COG5: variants seen among roughly 807,000 people sequenced by gnomAD.
COG5 encodes the protein component of oligomeric golgi complex 5.
A neutral mutation model predicts 110.4 loss-of-function variants in COG5; 86 were observed. The observed-to-expected ratio is 0.78, with a 90% CI of 0.65 to 0.93. COG5 has a LOEUF of 0.93. COG5 is among the 40% of genes least tolerant of loss of function. The probability of loss-of-function intolerance (pLI) is 0.00; values close to 1 mark genes in which losing one functional copy is unlikely to be tolerated. For missense variants in COG5, 1,077 were observed against 987.0 expected, an observed-to-expected ratio of 1.09 and a Z score of -1.22; for synonymous variants, 360 against 334.6, an observed-to-expected ratio of 1.08 and a Z score of -0.83.
intron 6 of COG5, among the ~76,000 whole-genome samples, chr7:107,477,281 T>C (rs530101932): frequency 1.3e-5 from 2 of 151,828 alleles, no homozygotes; most frequent in South Asian, 4.1e-4. Flanking sequence ...CTCCCAAGCA[T>C]AAATTAAAAT....
chr7:107,288,424 C>T (rs1268235171), intron 12 of COG5, among the ~76,000 whole-genome samples: 1 of 152,150 alleles, frequency 6.6e-6, no homozygotes, highest in Non-Finnish European at 1.5e-5. Flanking sequence ...TTTAGATTTC[C>T]ACCAGCAACA....
At chr7:107,415,562 T>C (rs916353824) in intron 6 of COG5, among the ~76,000 whole-genome samples, 2 of 151,252 alleles carry the variant, frequency 1.3e-5, no homozygotes, top group Admixed American at 1.3e-4. Flanking sequence ...GAAAAAAAAA[T>C]CACATCCTCT....
intron 14 of COG5, among the ~76,000 whole-genome samples, chr7:107,274,853 A>C (rs138783762): frequency 2.0e-5 from 3 of 152,204 alleles, no homozygotes; most frequent in Non-Finnish European, 4.4e-5. Flanking sequence ...TTTCAATATG[A>C]TCTACTGACT....
chr7:107,386,814 A>G (rs534065853), intron 7 of COG5, among the ~76,000 whole-genome samples: 12 of 152,272 alleles, frequency 7.9e-5, no homozygotes, highest in Admixed American at 6.5e-5. Flanking sequence ...AACAGGTCCC[A>G]GCATCATCTT....
Position 107,294,713 on chromosome 7 carries a change from C to CT in COG5, c.1313+3428dup, listed in dbSNP as rs796291188. Among the ~76,000 whole-genome samples the CT allele has an allele frequency of 7.7e-3, 852 of 110,014 alleles. 2 individuals are homozygous for CT. The highest frequency in any genetic ancestry group is 0.015 in the Middle Eastern group (3 of 198). 72.2% of individuals were successfully genotyped at this position (110,014 alleles called of 152,430 possible). On this transcript the variant is annotated intron_variant, in intron 12 of 21. Transcript: ENST00000297135. ...AAACCTCCTCATCTTAATTTTCTTT[C>CT]TTTTTTTTTTTTTTTTTTTTGAGAC...
chr7:107,258,344 G>A lies in COG5; in HGVS notation c.1615C>T (p.Leu539Phe), dbSNP rs749455454. ...ACATTTCTTCTCTGTCCTTCAGTAA[G>A]AGGCCCAATCACCTGACTTGCATCT... is the stretch of plus-strand genomic sequence containing the variant. Reference protein sequence around the residue: ...QGDASQVIGPLTEGQRRNVAV... With the variant: ...QGDASQVIGPFTEGQRRNVAV... Residue 539 changes from leucine (L) to phenylalanine (F), a missense_variant, in exon 15 of 22, where the codon CTT becomes TTT. By Grantham distance (22) the Leu-to-Phe change is conservative. Coordinates refer to ENST00000297135, the MANE Select transcript of COG5 (RefSeq NM_006348.5). 6.2e-6 allele frequency: 10 copies of A among 1,613,152 alleles called. No individual in the cohort carries two copies. Among genetic ancestry groups the A allele is most frequent in the Non-Finnish European group, 7.6e-6 (9 of 1,179,258 alleles).
chr7:107,323,859 T>C (rs1216777034), intron 11 of COG5, among the ~76,000 whole-genome samples: 1 of 152,190 alleles, frequency 6.6e-6, no homozygotes, highest in Non-Finnish European at 1.5e-5. Flanking sequence ...ACCTAAAGTA[T>C]TTAGACAAAC....
At chr7:107,246,420 AACAG>A (rs1190520803) in intron 17 of COG5, among the ~76,000 whole-genome samples, 2 of 152,220 alleles carry the variant, frequency 1.3e-5, no homozygotes, top group Admixed American at 1.3e-4. Context: ...CAACAGAGTA[AACAG>A]ACAATCTACA....
chr7:107,298,089 A>C, intron 12 of COG5, 53 bp downstream of exon 12: 1 of 843,286 alleles, frequency 1.2e-6, no homozygotes, highest in South Asian at 3.0e-5. Context: ...ATAAAATTTA[A>C]AATAAAAATA....
chr7:107,343,994 T>G (rs1811390649), intron 10 of COG5, among the ~76,000 whole-genome samples: 1 of 152,070 alleles, frequency 6.6e-6, no homozygotes, highest in Admixed American at 6.6e-5. Context: ...CAGAATAGAT[T>G]TAGCATCATT....
chr7:107,334,161 TA>T (rs1272055846), intron 10 of COG5, among the ~76,000 whole-genome samples: 1 of 152,086 alleles, frequency 6.6e-6, no homozygotes, highest in Non-Finnish European at 1.5e-5. Flanking sequence ...CCTAAGTATC[TA>T]CAGAGAAACG....
intron 6 of COG5, among the ~76,000 whole-genome samples, chr7:107,436,812 C>T (rs567004909): frequency 6.6e-6 from 1 of 152,232 alleles, no homozygotes; most frequent in Admixed American, 6.5e-5. Flanking sequence ...CATGAGTGCT[C>T]AGCAAATGTC....
chr7:107,253,948 T>C (rs143645627), intron 16 of COG5, among the ~76,000 whole-genome samples: 22 of 152,246 alleles, frequency 1.4e-4, no homozygotes, highest in African/African-American at 3.9e-4. Context: ...CCATTCTCTA[T>C]CCTTTACTGT....
At chr7:107,367,797 G>A (rs1203145535) in intron 8 of COG5, among the ~76,000 whole-genome samples, 6 of 151,962 alleles carry the variant, frequency 3.9e-5, no homozygotes, top group African/African-American at 1.5e-4. Context: ...GAGTAGGAGG[G>A]ATGTGAGGGC....
chr7:107,438,238 T>C lies in COG5; in HGVS notation c.539-25606A>G, dbSNP rs190328473. Among the ~76,000 whole-genome samples, 79 of 152,296 alleles carry C rather than the reference T, an allele frequency of 5.2e-4. 1 individual carries two copies. The highest frequency in any genetic ancestry group is 1.6e-3 in the African/African-American group (66 of 41,570). The stretch of plus-strand genomic sequence containing the variant: ...AGGGCTCTTTCTATCCTCCACTCTT[T>C]TCTACCAAGACAGGATATAAATTCT... On this transcript the variant is annotated intron_variant, in intron 6 of 21. Transcript: ENST00000297135.
chr7:107,381,883 C>T (rs1014442750), intron 7 of COG5, among the ~76,000 whole-genome samples: 1 of 152,134 alleles, frequency 6.6e-6, no homozygotes, highest in Non-Finnish European at 1.5e-5. Flanking sequence ...GTATACCCCC[C>T]GTGATCAAGA....
At chr7:107,211,585 T>C (rs555593706) in intron 19 of COG5, among the ~76,000 whole-genome samples, 23 of 152,364 alleles carry the variant, frequency 1.5e-4, no homozygotes, top group African/African-American at 5.3e-4. Context: ...CAGATTCTTA[T>C]CTTCATCAAT....
chr7:107,256,380 A>C (rs1802880535), intron 16 of COG5, among the ~76,000 whole-genome samples: 1 of 152,112 alleles, frequency 6.6e-6, no homozygotes, highest in South Asian at 2.1e-4. Flanking sequence ...GAATGTCTCC[A>C]GATGCTGTCA....
intron 6 of COG5, among the ~76,000 whole-genome samples, chr7:107,487,981 A>G (rs1797750005): frequency 6.6e-6 from 1 of 152,144 alleles, no homozygotes; most frequent in Admixed American, 6.6e-5. Context: ...TTTAATTTTC[A>G]GCAATCAACA....
Sources: gnomAD v4.1 joint callset for allele counts (sites outside exome capture counted in the v4.1 genomes callset) on GRCh38, gnomAD v4.1.1 for gene constraint, MANE v1.5 for transcripts, NCBI Gene and HGNC (gene_info 2026-07-23, HGNC 2026-07-21) for gene names.